Variants in KMT2D observed in about 807,000 individuals in gnomAD.
The protein encoded by KMT2D is histone-lysine N-methyltransferase 2D.
KMT2D carries 55 observed loss-of-function variants against 512.7 expected under a neutral mutation model. The ratio of observed to expected loss-of-function variants is 0.11; its 90% CI spans 0.09 to 0.13. KMT2D has a LOEUF of 0.13. Among genes scored for constraint, KMT2D ranks in the 10% least tolerant of loss-of-function variants. The probability of loss-of-function intolerance (pLI) is 1.00; values close to 1 mark genes in which losing one functional copy is unlikely to be tolerated. For synonymous variants in KMT2D, 2,995 were observed against 2,904.0 expected (o/e 1.03, Z -1.01); for missense variants, 6,061 against 7,127.9 (o/e 0.85, Z 5.39).
At chr12:49,049,532 AC>A in intron 12 of KMT2D, 149 bp downstream of exon 12, 1 of 854,356 alleles carries the variant, frequency 1.2e-6, no homozygotes, top group Non-Finnish European at 1.7e-6. Flanking sequence ...TGTCCCTTCT[AC>A]GTATTAGTAT....
Position 49,037,742 on chromosome 12 carries a change from C to T in KMT2D, c.9614G>A (p.Gly3205Glu), listed in dbSNP as rs1418696997. 6.3e-7 allele frequency: 1 copy of T among 1,589,534 alleles called. No homozygotes were observed. The highest frequency in any genetic ancestry group is 1.1e-5 in the South Asian group (1 of 87,278). ...LLTPSPLSGP[G>E]GSSLLEKFEL... The stretch of plus-strand genomic sequence containing the variant: ...AAACTTTTCCAGCAGGGAGGATCCT[C>T]CTGGGCCACTCAGTGGGCTGGGGGT... Residue 3205 changes from glycine to glutamate, a missense_variant, in exon 35 of 55, where the codon GGA becomes GAA. Transcript: ENST00000301067.
At position 49,042,311 on chromosome 12, in the gene KMT2D, T is replaced by A. The variant is rs2120554601; in HGVS notation, c.5887A>T (p.Ser1963Cys). Residue 1963 changes from serine (S) to cysteine (C), a missense_variant, in exon 29 of 55, where the codon AGC (serine) becomes TGC (cysteine). Physicochemically the swap from Ser to Cys is moderately radical, Grantham distance 112 (BLOSUM62 -1). Around this residue, in one of 16 missense-constraint regions of KMT2D, gnomAD observed 640 missense variants for 814.3 expected, o/e 0.79. Coordinates refer to ENST00000301067, the MANE Select transcript of KMT2D (RefSeq NM_003482.4). This position sits in a 1 kb window ranked among gnomAD's most constrained non-coding sequence, Gnocchi z 4.4. ...CTGTCGGGCTCACCGGGTTCCGGGC[T>A]AAAGAAGCCCCCGCGCTCCCTGGGG... ...LDSRERGGFF[S>C]PEPGEPDSPW... The A allele has an allele frequency of 6.5e-7, 1 of 1,548,998 alleles. No homozygotes were observed. The highest frequency in any genetic ancestry group is 2.4e-5 in the East Asian group (1 of 41,638).
In KMT2D at chr12:49,038,745, G is replaced by C. The variant is rs1393456444; in HGVS notation, c.8611C>G (p.Pro2871Ala). ...LPGPGEPVPGPAGPAQFIELR... is the reference protein window; with the variant it reads ...LPGPGEPVPGAAGPAQFIELR... Reference sequence around the variant, plus strand: ...TCAATGAACTGGGCAGGACCAGCTGGACCAGGCACTGGCTCACCAGGGCCT... The same window carrying C: ...TCAATGAACTGGGCAGGACCAGCTGCACCAGGCACTGGCTCACCAGGGCCT... The change falls in exon 35 of 55, where the codon CCA (proline) becomes GCA (alanine). Residue 2871 changes from proline (P) to alanine (A), a missense_variant. Pro to Ala is a conservative substitution (Grantham distance 27, BLOSUM62 -1). Coordinates refer to ENST00000301067, the MANE Select transcript of KMT2D (RefSeq NM_003482.4). The surrounding 1 kb of genome is among the most constrained non-coding windows in gnomAD (Gnocchi z 5.7). 2 of 1,607,100 alleles carry C rather than the reference G, an allele frequency of 1.2e-6. No individual in the cohort carries two copies. Among genetic ancestry groups the C allele is most frequent in the Non-Finnish European group, 1.7e-6 (2 of 1,177,028 alleles).
chr12:49,022,492 A>G lies in KMT2D; in HGVS notation c.16338+98T>C. The G allele has an allele frequency of 6.5e-7, 1 of 1,527,996 alleles. No homozygotes were observed. The highest frequency in any genetic ancestry group is 8.9e-7 in the Non-Finnish European group (1 of 1,117,494). The allele number at this position is 1,527,996 out of a possible 1,614,324, so 94.7% of individuals were successfully genotyped here. A position where few individuals can be genotyped will look rare whatever the true frequency, so the allele number is the denominator to read the frequency against. ...TTTCTCCTGCCTTTCCCTTCTCCCCACCACAGCTTTCCTCCTGCTCTCCTG... is the reference window on the plus strand; with the variant it reads ...TTTCTCCTGCCTTTCCCTTCTCCCCGCCACAGCTTTCCTCCTGCTCTCCTG... On this transcript the variant is annotated intron_variant, in intron 52 of 54. Transcript: ENST00000301067. The surrounding 1 kb of genome is among the most constrained non-coding windows in gnomAD (Gnocchi z 8.6).
At chr12:49,057,588 C>T (rs1320341277) in intron 1 of KMT2D, among the ~76,000 whole-genome samples, 1 of 152,202 alleles carries the variant, frequency 6.6e-6, no homozygotes, top group African/African-American at 2.4e-5. Context: ...TGTCATACAA[C>T]TTGTACCAAA....
chr12:49,046,710 G>C lies in KMT2D; in HGVS notation c.4317C>G (p.Pro1439=), dbSNP rs2120611625. Residue 1439 remains proline, a synonymous_variant, in exon 16 of 55, where the codon CCC becomes CCG. Transcript: ENST00000301067. The surrounding 1 kb of genome is among the most constrained non-coding windows in gnomAD (Gnocchi z 4.2). The stretch of plus-strand genomic sequence containing the variant: ...AGTCATCACAGAGCAGCAGGCGTGA[G>C]GGGTCGGAGGCCTGGCCACACACCT... ...VCEVCGQASD[P]SRLLLCDDCD... is the part of the protein sequence containing the mutation. The C allele has an allele frequency of 1.2e-6, 2 of 1,613,968 alleles. No homozygotes were observed. Among genetic ancestry groups the C allele is most frequent in the Non-Finnish European group, 1.7e-6 (2 of 1,179,892 alleles).
In KMT2D at chr12:49,045,974, A is replaced by G. The variant is rs777595167; in HGVS notation, c.4694-7T>C. 2.5e-6 allele frequency: 4 copies of G among 1,613,940 alleles called. No individual in the cohort carries two copies. Among genetic ancestry groups the G allele is most frequent in the Non-Finnish European group, 3.4e-6 (4 of 1,179,868 alleles). ...TCTGGAGGTGCAACAGGCGCTATGGAGAGAAGGACAAACGGAGGTGGCTGA... is the reference window on the plus strand; with the variant it reads ...TCTGGAGGTGCAACAGGCGCTATGGGGAGAAGGACAAACGGAGGTGGCTGA... On this transcript the variant is annotated splice_region_variant and splice_polypyrimidine_tract_variant and intron_variant, in intron 18 of 54. Coordinates refer to ENST00000301067, the MANE Select transcript of KMT2D (RefSeq NM_003482.4).
chr12:49,058,804 G>A (rs1283909720), intron 1 of KMT2D, among the ~76,000 whole-genome samples: 2 of 152,196 alleles, frequency 1.3e-5, no homozygotes, highest in East Asian at 1.9e-4. Flanking sequence ...CTCCATACCA[G>A]GCCGGGAGAA....
rs747249461 is a variant in KMT2D, at chr12:49,026,305, T to A, written c.15661A>T (p.Thr5221Ser). ...CGATAGCAGCAGCGACGATTGTTGG[T>A]GCGGAGGCTCCAATAGATGCGCGTG... ...EATRIYWSLR[T>S]NNRRCCYRCS... The change falls in exon 49 of 55, where the codon ACC becomes TCC. Residue 5221 changes from threonine to serine, a missense_variant. This residue lies in a region of KMT2D where 261 missense variants were observed against 440.7 expected (regional missense o/e 0.59). Coordinates refer to ENST00000301067, the MANE Select transcript of KMT2D (RefSeq NM_003482.4). The surrounding 1 kb of genome is among the most constrained non-coding windows in gnomAD (Gnocchi z 9.6). The A allele has an allele frequency of 1.2e-6, 2 of 1,611,910 alleles. No homozygotes were observed. Among genetic ancestry groups the A allele is most frequent in the Non-Finnish European group, 1.7e-6 (2 of 1,178,110 alleles).
Position 49,030,923 on chromosome 12 carries a change from G to C in KMT2D, c.13641C>G (p.Ala4547=), listed in dbSNP as rs779588069. Residue 4547 remains alanine, a synonymous_variant, in exon 41 of 55, where the codon GCC becomes GCG. Coordinates refer to ENST00000301067, the MANE Select transcript of KMT2D (RefSeq NM_003482.4). The part of the protein sequence containing the change: ...KKLRKEDGVR[A]SEALLKQLKQ... The stretch of plus-strand genomic sequence containing the variant: ...TCAGCTGTTTCAGCAAGGCCTCGCT[G>C]GCCCTGACCCCGTCCTCCTTCCGCA... The C allele has an allele frequency of 6.2e-7, 1 of 1,613,918 alleles. No individual in the cohort carries two copies. Among genetic ancestry groups the C allele is most frequent in the Non-Finnish European group, 8.5e-7 (1 of 1,179,836 alleles).
rs373414243 is a variant in KMT2D at position 49,026,876 on chromosome 12, A to G, written c.15090T>C (p.Arg5030=). 11 of 1,614,010 alleles carry G rather than the reference A, an allele frequency of 6.8e-6. No individual in the cohort carries two copies. Among genetic ancestry groups the G allele is most frequent in the African/African-American group, 1.3e-5 (1 of 75,050 alleles). The change falls in exon 49 of 55, where the codon CGT becomes CGC. Residue 5030 remains arginine (R), a synonymous_variant. Transcript: ENST00000301067. This position sits in a 1 kb window ranked among gnomAD's most constrained non-coding sequence, Gnocchi z 9.6. ...CCTCCTCATGACAGAAACAGCAGCG[A>G]CGCATGTCTCGCGGTACCTTGTCAG... ...LRPDKVPRDM[R]RCCFCHEEGD... is the part of the protein sequence containing the mutation.
At chr12:49,025,169 ACCCAGGG>A (rs1942512035) in intron 49 of KMT2D, among the ~76,000 whole-genome samples, 2 of 152,158 alleles carry the variant, frequency 1.3e-5, no homozygotes, top group African/African-American at 4.8e-5. Context: ...TGAGATACAA[ACCCAGGG>A]CCCAGGAGAC....
Position 49,039,048 on chromosome 12 carries a change from G to T in KMT2D, c.8367-59C>A. On this transcript the variant is annotated intron_variant, in intron 34 of 54. Coordinates refer to ENST00000301067, the MANE Select transcript of KMT2D (RefSeq NM_003482.4). This position sits in a 1 kb window ranked among gnomAD's most constrained non-coding sequence, Gnocchi z 5.0. ...TCAGATGAAAAGGAGCAAGAACATG[G>T]GCTTAGGGCAGTGAGGAAGGATAGA... The T allele has an allele frequency of 1.3e-6, 2 of 1,532,672 alleles. No homozygotes were observed. The highest frequency in any genetic ancestry group is 1.8e-6 in the Non-Finnish European group (2 of 1,125,714). 94.9% of individuals were successfully genotyped at this position (1,532,672 alleles called of 1,614,324 possible).
rs1175086236 is a variant in KMT2D at position 49,027,013 on chromosome 12, C to T, written c.14953G>A (p.Val4985Met). The T allele has an allele frequency of 5.6e-6, 9 of 1,614,072 alleles. No homozygotes were observed. The highest frequency in any genetic ancestry group is 3.3e-5 in the South Asian group (3 of 91,092). The part of the protein sequence containing the change: ...RPPRLKKWKG[V>M]RWKRLRLLLT... ...AGCAGCCGAAGCCGCTTCCAGCGCA[C>T]TCCTTTCCATTTCTTGAGGCGAGGA... Residue 4985 changes from valine (V) to methionine (M), a missense_variant, in exon 49 of 55, where the codon GTG becomes ATG. Val to Met is a conservative substitution (Grantham distance 21). Coordinates refer to ENST00000301067, the MANE Select transcript of KMT2D (RefSeq NM_003482.4).
chr12:49,058,008 C>T (rs1938513019), intron 1 of KMT2D, among the ~76,000 whole-genome samples: 1 of 152,200 alleles, frequency 6.6e-6, no homozygotes, highest in African/African-American at 2.4e-5. Context: ...CTCCATTTTC[C>T]CAGACAAGGG....
chr12:49,044,457 C>T lies in KMT2D; in HGVS notation c.5029G>A (p.Gly1677Ser), dbSNP rs1278524397. Residue 1677 changes from glycine (G) to serine (S), a missense_variant, in exon 21 of 55, where the codon GGC becomes AGC. By Grantham distance (56) the Gly-to-Ser change is moderately conservative (BLOSUM62 0). Coordinates refer to ENST00000301067, the MANE Select transcript of KMT2D (RefSeq NM_003482.4). This position sits in a 1 kb window ranked among gnomAD's most constrained non-coding sequence, Gnocchi z 6.4. ...EGPVSPDVEP[G>S]KEETEESKKR... ...TTGCTTTCCTCGGTCTCCTCTTTGC[C>T]AGGCTCCACATCAGGGCTGACGGGG... 6.2e-7 allele frequency: 1 copy of T among 1,614,028 alleles called. No individual in the cohort carries two copies. Among genetic ancestry groups the T allele is most frequent in the South Asian group, 1.1e-5 (1 of 91,086 alleles).
At position 49,049,922 on chromosome 12, in the gene KMT2D, G is replaced by A. The variant is rs138419124; in HGVS notation, c.3666C>T (p.Gly1222=). The A allele has an allele frequency of 1.6e-4, 254 of 1,613,966 alleles. No homozygotes were observed. In the African/African-American group the frequency reaches 2.8e-3, roughly 18 times the overall value. Residue 1222 remains glycine (G), a synonymous_variant, in exon 12 of 55, where the codon GGC becomes GGT. Coordinates refer to ENST00000301067, the MANE Select transcript of KMT2D (RefSeq NM_003482.4). ...CTGGAGAGCCCAGGAGGGGCTCTGA[G>A]CCAGGAAAACTGGCACTGGCATCAC... ...SQGDASASFP[G]SEPLLGSPDP... is the part of the protein sequence containing the mutation.
In KMT2D at chr12:49,041,027, C is replaced by G. The variant is rs1228231026; in HGVS notation, c.6743G>C (p.Arg2248Pro). The change falls in exon 32 of 55, where the codon CGC becomes CCC. Residue 2248 changes from arginine (R) to proline (P), a missense_variant. Physicochemically the swap from Arg to Pro is moderately radical, Grantham distance 103. Around this residue, in one of 16 missense-constraint regions of KMT2D, gnomAD observed 710 missense variants for 647.3 expected, o/e 1.10. Transcript: ENST00000301067. This position sits in a 1 kb window ranked among gnomAD's most constrained non-coding sequence, Gnocchi z 5.4. ...AGCCAAGTTATCCAGCGAGGGGCAG[C>G]GGGGTTTGAGGAATGGGTCAGGTGT... ...PSTPDPFLKP[R>P]CPSLDNLAVP... is the part of the protein sequence containing the mutation. 1 of 1,573,230 alleles carries G rather than the reference C, an allele frequency of 6.4e-7. No homozygotes were observed. The highest frequency in any genetic ancestry group is 1.4e-5 in the African/African-American group (1 of 73,754).
chr12:49,050,886 C>A lies in KMT2D; in HGVS notation c.2797G>T (p.Asp933Tyr), dbSNP rs2120659053. 1.3e-6 allele frequency: 2 copies of A among 1,536,302 alleles called. No homozygotes were observed. Among genetic ancestry groups the A allele is most frequent in the Non-Finnish European group, 1.8e-6 (2 of 1,139,200 alleles). ...TAACAGAGTACTAACATCCCCTTAC[C>A]TGGTGGCATCAGCTGAGGCGACAAG... ...PSLSPQLMPP[D>Y]PLPPPLSPII... The change falls in exon 11 of 55, where the codon GAT becomes TAT. Residue 933 changes from aspartate (D) to tyrosine (Y), a missense_variant and splice_region_variant. Physicochemically the swap from Asp to Tyr is radical, Grantham distance 160. This residue lies in a region of KMT2D where 848 missense variants were observed against 838.5 expected (regional missense o/e 1.01). Coordinates refer to ENST00000301067, the MANE Select transcript of KMT2D (RefSeq NM_003482.4).
Sources: gnomAD v4.1 joint callset for allele counts (sites outside exome capture counted in the v4.1 genomes callset) on GRCh38, gnomAD v4.1.1 for gene constraint, gnomAD v4.1.1 regional missense constraint, Gnocchi (gnomAD v3.1) non-coding constraint, MANE v1.5 for transcripts, NCBI Gene and HGNC (gene_info 2026-07-23, HGNC 2026-07-21) for gene names.